The following GRAMD1B variants were observed in gnomAD, a reference collection of about 807,000 sequenced individuals.
GRAMD1B encodes the protein GRAM domain containing 1B.
GRAMD1B carries 37 observed loss-of-function variants against 99.7 expected under a neutral mutation model. That is an observed-to-expected ratio of 0.37 (90% confidence interval 0.29 to 0.49). The LOEUF (loss-of-function observed/expected upper bound fraction) is 0.49. Among genes scored for constraint, GRAMD1B ranks in the 20% least tolerant of loss-of-function variants. GRAMD1B has a pLI of 0.98. For missense variants in GRAMD1B, 888 were observed against 1,009.2 expected (o/e 0.88, Z 1.63); for synonymous variants, 427 against 387.6 (o/e 1.10, Z -1.19).
intron 2 of GRAMD1B, among the ~76,000 whole-genome samples, chr11:123,522,164 A>G (rs1942253140): frequency 6.6e-6 from 1 of 152,202 alleles, no homozygotes; most frequent in Non-Finnish European, 1.5e-5. Context: ...TTTATTGGCC[A>G]GGAACTTTTC....
intron 1 of GRAMD1B, among the ~76,000 whole-genome samples, chr11:123,478,669 C>T (rs1325024342): frequency 6.6e-6 from 1 of 152,048 alleles, no homozygotes; most frequent in Non-Finnish European, 1.5e-5. Context: ...CTGGGAGCCC[C>T]CTTTATTAGT....
chr11:123,406,183 C>T (rs868572601), intron 1 of GRAMD1B, among the ~76,000 whole-genome samples: 4 of 151,664 alleles, frequency 2.6e-5, no homozygotes, highest in African/African-American at 9.7e-5. Flanking sequence ...AGACTGGTCT[C>T]GAACTCCTGA....
chr11:123,582,550 T>C (rs1148120), intron 3 of GRAMD1B, among the ~76,000 whole-genome samples: 23,516 of 152,028 alleles, frequency 0.15, 2,193 homozygotes, highest in East Asian at 0.25. Flanking sequence ...GGAGCCTTGC[T>C]ACTGGCCTCT....
chr11:123,548,325 T>TATACACACACACACACAC (rs1555067740), intron 2 of GRAMD1B, among the ~76,000 whole-genome samples: 49 of 86,848 alleles, frequency 5.6e-4, no homozygotes, highest in Admixed American at 7.5e-4. Context: ...TATATATATA[T>TATACACACACACACACAC]ACACACACAC....
At chr11:123,436,926 C>T (rs1382993582) in intron 1 of GRAMD1B, among the ~76,000 whole-genome samples, 1 of 152,132 alleles carries the variant, frequency 6.6e-6, no homozygotes, top group Admixed American at 6.5e-5. Context: ...ACAACAGGCC[C>T]TGGTGTGTGA....
intron 2 of GRAMD1B, among the ~76,000 whole-genome samples, chr11:123,551,477 C>T (rs1459876450): frequency 6.6e-6 from 1 of 152,200 alleles, no homozygotes; most frequent in Non-Finnish European, 1.5e-5. Context: ...CAGGTGTCAT[C>T]TCCCCTTCAC....
chr11:123,454,363 G>A (rs971041161), intron 1 of GRAMD1B: 1 of 152,212 alleles, frequency 6.6e-6, no homozygotes, highest in Non-Finnish European at 1.5e-5. Flanking sequence ...TGAAGGACAG[G>A]CCCCAGGGCT....
At chr11:123,391,421 A>C (rs565517712) in intron 1 of GRAMD1B, among the ~76,000 whole-genome samples, 2 of 152,174 alleles carry the variant, frequency 1.3e-5, no homozygotes, top group Admixed American at 6.5e-5. Flanking sequence ...AGATCACTAA[A>C]GTCCTTCTTG....
intron 2 of GRAMD1B, among the ~76,000 whole-genome samples, chr11:123,573,538 C>T (rs543560882): frequency 4.6e-5 from 7 of 152,292 alleles, no homozygotes; most frequent in African/African-American, 1.4e-4. Flanking sequence ...ATGAGCTTGA[C>T]AATCAGATAG....
chr11:123,472,526 G>A (rs1026429914), intron 1 of GRAMD1B, among the ~76,000 whole-genome samples: 6 of 152,170 alleles, frequency 3.9e-5, no homozygotes, highest in Admixed American at 1.3e-4. Context: ...ACACACATGA[G>A]GAGTGAGTTT....
chr11:123,520,050 G>C (rs563702934), intron 2 of GRAMD1B, among the ~76,000 whole-genome samples: 1 of 152,226 alleles, frequency 6.6e-6, no homozygotes, highest in South Asian at 2.1e-4. Flanking sequence ...TTATGGATGA[G>C]ACAAGAAACA....
intron 3 of GRAMD1B, among the ~76,000 whole-genome samples, chr11:123,583,300 ATGTG>A (rs546018819): frequency 1.5e-5 from 2 of 130,654 alleles, no homozygotes; most frequent in African/African-American, 2.9e-5. Flanking sequence ...GTGTGTGTGA[ATGTG>A]TGTGTGCACG....
chr11:123,603,575 GC>G, intron 9 of GRAMD1B, 34 bp downstream of exon 9: 1 of 1,286,764 alleles, frequency 7.8e-7, no homozygotes, highest in South Asian at 1.2e-5. Flanking sequence ...CCCAGAGGCA[GC>G]CGTGCGAGTG....
Position 123,533,436 on chromosome 11 carries a change from TA to T in GRAMD1B, c.453-43930del, listed in dbSNP as rs538399370. Reference sequence around the variant, plus strand: ...TTATTTATTTATTTTTATTTTATTTTATTTTTTTAAGACAGAGTCTGGCTCT... The same window carrying T: ...TTATTTATTTATTTTTATTTTATTTTTTTTTTTAAGACAGAGTCTGGCTCT... On this transcript the variant is annotated intron_variant, in intron 2 of 19. Coordinates refer to ENST00000635736, the MANE Select transcript of GRAMD1B (RefSeq NM_001387025.1). 7.8e-3 allele frequency among the ~76,000 whole-genome samples: 1,192 copies of T among 152,212 alleles called. 8 individuals are homozygous for T. Among genetic ancestry groups the T allele is most frequent in the Non-Finnish European group, 0.012 (826 of 68,016 alleles).
At chr11:123,409,393 G>C (rs1284942243) in intron 1 of GRAMD1B, among the ~76,000 whole-genome samples, 1 of 152,160 alleles carries the variant, frequency 6.6e-6, no homozygotes, top group South Asian at 2.1e-4. Context: ...TGGCGTTTAT[G>C]TTGGTAACTG....
rs191759898 is a variant in GRAMD1B, at chr11:123,399,450, G to A, written c.-176+40651G>A. Among the ~76,000 whole-genome samples the A allele has an allele frequency of 3.6e-3, 543 of 152,184 alleles. 1 individual carries two copies. The highest frequency in any genetic ancestry group is 7.5e-3 in the African/African-American group (311 of 41,510). Reference sequence around the variant, plus strand: ...TTTCAGTTTCTTTGGATAAATACCCGGAAGTGGGATTGCTGGATCATACAG... The same window carrying A: ...TTTCAGTTTCTTTGGATAAATACCCAGAAGTGGGATTGCTGGATCATACAG... On this transcript the variant is annotated intron_variant, in intron 1 of 20. Coordinates refer to the GRAMD1B transcript ENST00000638157.
At chr11:123,370,797 T>C (rs1946501184) in intron 1 of GRAMD1B, among the ~76,000 whole-genome samples, 1 of 152,190 alleles carries the variant, frequency 6.6e-6, no homozygotes, top group Non-Finnish European at 1.5e-5. Flanking sequence ...AAGATTTCCA[T>C]ACAGTGTTCT....
intron 3 of GRAMD1B, among the ~76,000 whole-genome samples, chr11:123,583,868 C>T (rs1484114211): frequency 6.6e-6 from 1 of 152,148 alleles, no homozygotes; most frequent in Non-Finnish European, 1.5e-5. Flanking sequence ...TTTAGGTAGT[C>T]CCCTTTCTAC....
At chr11:123,560,376 A>G in intron 2 of GRAMD1B, 2 of 1,176,358 alleles carry the variant, frequency 1.7e-6, no homozygotes, top group Non-Finnish European at 2.1e-6. Context: ...ACAGCAGCAG[A>G]GGGAGGTGGG....
Sources: allele counts gnomAD v4.1 joint callset (sites outside exome capture counted in the v4.1 genomes callset), GRCh38; gene constraint gnomAD v4.1.1; transcripts MANE v1.5; gene names NCBI Gene and HGNC (gene_info 2026-07-23, HGNC 2026-07-21).